Variants in NRCAM observed in about 807,000 individuals in gnomAD.
NRCAM encodes the protein neuronal cell adhesion molecule.
Under a neutral mutation model 156.5 loss-of-function variants are expected in NRCAM, and 83 were observed. The observed-to-expected ratio is 0.53, with a 90% CI of 0.44 to 0.64. The LOEUF (loss-of-function observed/expected upper bound fraction) is 0.64. Ranked by LOEUF, NRCAM falls within the 30% of genes least tolerant of loss-of-function variation. The probability of loss-of-function intolerance (pLI) is 0.00; values close to 1 mark genes in which losing one functional copy is unlikely to be tolerated. For missense variants in NRCAM, 1,417 were observed against 1,597.3 expected (o/e 0.89, Z 1.92); for synonymous variants, 538 against 563.9 (o/e 0.95, Z 0.65).
At chr7:108,441,836 G>A (rs1838885120) in intron 1 of NRCAM, among the ~76,000 whole-genome samples, 1 of 152,194 alleles carries the variant, frequency 6.6e-6, no homozygotes, top group Non-Finnish European at 1.5e-5. Flanking sequence ...TAGTGTCTAT[G>A]AGAATTTTTG....
chr7:108,299,103 CTCA>C (rs1252390161), intron 3 of NRCAM, among the ~76,000 whole-genome samples: 5 of 6,042 alleles, frequency 8.3e-4, no homozygotes, highest in East Asian at 0.027. Flanking sequence ...AAGACTCCAT[CTCA>C]AAAAAAAAAA....
chr7:108,366,450 T>C (rs2099592201), intron 2 of NRCAM, among the ~76,000 whole-genome samples: 1 of 152,182 alleles, frequency 6.6e-6, no homozygotes, highest in African/African-American at 2.4e-5. Flanking sequence ...AGATATGTGT[T>C]TCATAAACAG....
At chr7:108,226,885 C>T (rs912565424) in intron 8 of NRCAM, among the ~76,000 whole-genome samples, 2 of 152,200 alleles carry the variant, frequency 1.3e-5, no homozygotes, top group African/African-American at 2.4e-5. Context: ...CCAGCCCTGT[C>T]TGAGCTCATC....
intron 30 of NRCAM, among the ~76,000 whole-genome samples, chr7:108,163,621 A>G (rs528993328): frequency 3.0e-4 from 46 of 152,264 alleles, no homozygotes; most frequent in African/African-American, 1.1e-3. Context: ...TGATGATAAG[A>G]AAGACTGGGT....
intron 3 of NRCAM, among the ~76,000 whole-genome samples, chr7:108,302,128 C>T (rs536335071): frequency 6.6e-6 from 1 of 151,524 alleles, no homozygotes; most frequent in East Asian, 1.9e-4. Context: ...TCAAATTTGT[C>T]TGCTTAGTAA....
chr7:108,261,079 AG>A (rs1422755377), intron 3 of NRCAM, among the ~76,000 whole-genome samples: 7 of 152,144 alleles, frequency 4.6e-5, no homozygotes, highest in Non-Finnish European at 8.8e-5. Context: ...GTGGACAGAA[AG>A]GGGCTGAAAA....
At chr7:108,327,412 G>C (rs550180765) in intron 2 of NRCAM, among the ~76,000 whole-genome samples, 73 of 152,208 alleles carry the variant, frequency 4.8e-4, no homozygotes, top group Non-Finnish European at 9.0e-4. Context: ...TCAAAAATCT[G>C]AACAGAAATA....
intron 2 of NRCAM, among the ~76,000 whole-genome samples, chr7:108,332,737 G>C (rs1359801557): frequency 6.6e-6 from 1 of 152,090 alleles, no homozygotes; most frequent in African/African-American, 2.4e-5. Context: ...TACATATCAA[G>C]ACAATGTAGA....
chr7:108,268,636 T>TGGGGGGGGGGGGGGGGGGGGGGGGA (rs1300340254), intron 3 of NRCAM, among the ~76,000 whole-genome samples: 1 of 8,492 alleles, frequency 1.2e-4, no homozygotes, highest in African/African-American at 4.8e-4. Flanking sequence ...GGGGGGGGGT[T>TGGGGGGGGGGGGGGGGGGGGGGGGA]GGGGGGGGCG....
chr7:108,330,528 G>A (rs909160539), intron 2 of NRCAM, among the ~76,000 whole-genome samples: 43 of 152,102 alleles, frequency 2.8e-4, no homozygotes, highest in Admixed American at 1.5e-3. Context: ...GTTACTTTGC[G>A]GCAGTAGTTA....
chr7:108,387,368 T>C (rs1174173528), intron 2 of NRCAM, among the ~76,000 whole-genome samples: 3 of 152,140 alleles, frequency 2.0e-5, no homozygotes, highest in African/African-American at 4.8e-5. Flanking sequence ...TAAAGTGCTC[T>C]CTGTATTGTC....
In NRCAM at chr7:108,453,051, T is replaced by G. The variant is rs548646186; in HGVS notation, c.-332+3192A>C. Among the ~76,000 whole-genome samples, 6 of 152,336 alleles carry G rather than the reference T, an allele frequency of 3.9e-5. No homozygotes were observed. The East Asian group carries it at 9.6e-4, about 24-fold the overall frequency. ...GAAAAAAACTCTGTGTGATGAAGTA[T>G]GTAGCTAGATGATAAAATTAGAATT... On this transcript the variant is annotated intron_variant, in intron 1 of 32. Transcript: ENST00000379028.
chr7:108,322,640 C>T (rs1372523883), intron 2 of NRCAM, among the ~76,000 whole-genome samples: 4 of 152,046 alleles, frequency 2.6e-5, no homozygotes, highest in African/African-American at 7.2e-5. Flanking sequence ...ATAGATATCT[C>T]GGTAGTGTCA....
chr7:108,402,273 G>A lies in NRCAM; in HGVS notation c.-331-2680C>T, dbSNP rs73714845. Among the ~76,000 whole-genome samples the A allele has an allele frequency of 5.4e-3, 815 of 152,024 alleles. 8 individuals carry two copies. The highest frequency in any genetic ancestry group is 0.019 in the African/African-American group (787 of 41,450). ...TTTGCTGTCCCATTACATTTACATT[G>A]GGTAAATTATTTCTTTTATTTGTAC... On this transcript the variant is annotated intron_variant, in intron 1 of 32. Coordinates refer to ENST00000379028, the MANE Select transcript of NRCAM (RefSeq NM_001037132.4).
At chr7:108,234,856 T>C (rs986504793) in intron 5 of NRCAM, 168 bp from the exon 6 acceptor site, 4 of 756,796 alleles carry the variant, frequency 5.3e-6, no homozygotes, top group Admixed American at 1.7e-5. Flanking sequence ...CTGCTAAAGG[T>C]CTGCTAAAAC....
chr7:108,160,996 A>G (rs939616697), intron 30 of NRCAM, among the ~76,000 whole-genome samples: 1 of 152,240 alleles, frequency 6.6e-6, no homozygotes, highest in Non-Finnish European at 1.5e-5. Flanking sequence ...CTGTTAAAAA[A>G]GAAAACGGTC....
At chr7:108,243,708 T>C (rs1321159291) in intron 3 of NRCAM, among the ~76,000 whole-genome samples, 1 of 152,116 alleles carries the variant, frequency 6.6e-6, no homozygotes, top group Non-Finnish European at 1.5e-5. Flanking sequence ...GAAAAATAGA[T>C]CACCCTATTT....
chr7:108,340,625 G>A (rs1020036315), intron 2 of NRCAM, among the ~76,000 whole-genome samples: 1 of 152,172 alleles, frequency 6.6e-6, no homozygotes, highest in Admixed American at 6.5e-5. Context: ...TCAAAACACG[G>A]AGATTGGTGC....
chr7:108,382,041 T>G (rs1003598402), intron 2 of NRCAM, among the ~76,000 whole-genome samples: 6 of 152,180 alleles, frequency 3.9e-5, no homozygotes, highest in Non-Finnish European at 5.9e-5. Flanking sequence ...CTAGCAAGTT[T>G]AGACAAACAG....
Sources: gnomAD v4.1 joint callset for allele counts (sites outside exome capture counted in the v4.1 genomes callset) on GRCh38, gnomAD v4.1.1 for gene constraint, MANE v1.5 for transcripts, NCBI Gene and HGNC (gene_info 2026-07-23, HGNC 2026-07-21) for gene names.